Variants in EPHA6 observed in about 807,000 individuals in gnomAD.
EPHA6 encodes EPH receptor A6, also known as ephrin type-A receptor 6.
Under a neutral mutation model 112.0 loss-of-function variants are expected in EPHA6, and 50 were observed. The observed-to-expected ratio is 0.45, with a 90% CI of 0.36 to 0.56. EPHA6 has a LOEUF of 0.56. EPHA6 is among the 20% of genes least tolerant of loss of function. The pLI is 0.00. For synonymous variants in EPHA6, 529 were observed against 490.7 expected, an observed-to-expected ratio of 1.08 and a Z score of -1.03; for missense variants, 1,280 against 1,417.4, an observed-to-expected ratio of 0.90 and a Z score of 1.56.
At chr3:97,215,252 C>T (rs2077999450) in intron 3 of EPHA6, among the ~76,000 whole-genome samples, 1 of 152,134 alleles carries the variant, frequency 6.6e-6, no homozygotes, top group Non-Finnish European at 1.5e-5. Context: ...TATAGTCTAA[C>T]CACTCAATTT....
intron 1 of EPHA6, among the ~76,000 whole-genome samples, chr3:96,851,872 C>T (rs1216262531): frequency 2.0e-5 from 3 of 152,068 alleles, no homozygotes; most frequent in African/African-American, 7.2e-5. Context: ...CAAGATCTTG[C>T]AGGGACGCAG....
chr3:97,443,255 C>G (rs1000904798), intron 6 of EPHA6, among the ~76,000 whole-genome samples: 1 of 149,942 alleles, frequency 6.7e-6, no homozygotes, highest in South Asian at 2.1e-4. Context: ...CTAGTGGAAC[C>G]ATTAATATCC....
At chr3:96,977,008 G>C (rs1316211216) in intron 2 of EPHA6, among the ~76,000 whole-genome samples, 1 of 152,170 alleles carries the variant, frequency 6.6e-6, no homozygotes, top group Non-Finnish European at 1.5e-5. Flanking sequence ...CATATGTGAA[G>C]TCTGTCAGGG....
At chr3:97,014,850 T>C (rs1314579988) in intron 3 of EPHA6, among the ~76,000 whole-genome samples, 1 of 152,190 alleles carries the variant, frequency 6.6e-6, no homozygotes, top group Non-Finnish European at 1.5e-5. Context: ...TGCTGTCTGA[T>C]GGCCATGGAG....
At chr3:97,069,561 A>G (rs1047948722) in intron 3 of EPHA6, among the ~76,000 whole-genome samples, 1 of 152,152 alleles carries the variant, frequency 6.6e-6, no homozygotes, top group Non-Finnish European at 1.5e-5. Context: ...TAGAAATTTT[A>G]CAACCTTGCT....
chr3:97,068,943 G>T (rs1431192382), intron 3 of EPHA6, among the ~76,000 whole-genome samples: 3 of 152,068 alleles, frequency 2.0e-5, no homozygotes, highest in African/African-American at 7.2e-5. Flanking sequence ...TTGTTTATAA[G>T]CCACCCAGTA....
intron 7 of EPHA6, chr3:97,466,601 T>G (rs1411517711): frequency 1.6e-6 from 1 of 644,630 alleles, no homozygotes; most frequent in Non-Finnish European, 2.8e-6. Context: ...TTGTCTTCAG[T>G]ATTCTCATGT....
chr3:97,711,800 C>T (rs1365062293), intron 14 of EPHA6, among the ~76,000 whole-genome samples: 1 of 152,178 alleles, frequency 6.6e-6, no homozygotes, highest in Non-Finnish European at 1.5e-5. Flanking sequence ...CTCACAACCA[C>T]ACTAGAAATA....
chr3:97,570,523 A>G (rs888635922), intron 11 of EPHA6, among the ~76,000 whole-genome samples: 1 of 152,172 alleles, frequency 6.6e-6, no homozygotes, highest in African/African-American at 2.4e-5. Context: ...CGAGGTCGGG[A>G]GTTGAACACC....
intron 7 of EPHA6, among the ~76,000 whole-genome samples, chr3:97,468,475 CTT>C (rs1454081928): frequency 1.4e-5 from 2 of 144,296 alleles, no homozygotes; most frequent in Admixed American, 7.1e-5. Context: ...TATTTCTAAT[CTT>C]ATATATATTT....
intron 5 of EPHA6, among the ~76,000 whole-genome samples, chr3:97,371,313 G>A (rs2085040042): frequency 6.6e-6 from 1 of 152,074 alleles, no homozygotes; most frequent in Non-Finnish European, 1.5e-5. Context: ...CTGAACAGAG[G>A]GACTGGCTGA....
intron 13 of EPHA6, among the ~76,000 whole-genome samples, chr3:97,617,139 A>G (rs1436485032): frequency 1.3e-5 from 2 of 152,170 alleles, no homozygotes; most frequent in Non-Finnish European, 2.9e-5. Flanking sequence ...TTGTTAAAGG[A>G]AAGAGATTCC....
At chr3:97,331,054 C>G in intron 5 of EPHA6, among the ~76,000 whole-genome samples, 1 of 152,106 alleles carries the variant, frequency 6.6e-6, no homozygotes, top group East Asian at 1.9e-4. Context: ...GTCTCTCAGA[C>G]CACAGTGCAA....
At chr3:97,438,386 T>C (rs1346084523) in intron 6 of EPHA6, among the ~76,000 whole-genome samples, 1 of 152,232 alleles carries the variant, frequency 6.6e-6, no homozygotes, top group Non-Finnish European at 1.5e-5. Flanking sequence ...TATGCTATAC[T>C]GACATAATAT....
intron 11 of EPHA6, among the ~76,000 whole-genome samples, chr3:97,562,241 T>A (rs966364101): frequency 2.6e-5 from 4 of 152,174 alleles, no homozygotes; most frequent in Admixed American, 6.6e-5. Context: ...TAGGTAGTAA[T>A]TTCTCTGATG....
At chr3:97,322,076 G>T (rs2082146812) in intron 5 of EPHA6, among the ~76,000 whole-genome samples, 1 of 152,006 alleles carries the variant, frequency 6.6e-6, no homozygotes, top group Non-Finnish European at 1.5e-5. Context: ...AAGAAGAACA[G>T]ACTTTCTCAA....
intron 6 of EPHA6, among the ~76,000 whole-genome samples, chr3:97,415,330 T>G (rs1463714050): frequency 5.3e-5 from 8 of 152,074 alleles, no homozygotes. Flanking sequence ...CTTATAATCA[T>G]GCAATATTAA....
chr3:97,272,544 G>T (rs141613981), intron 5 of EPHA6, among the ~76,000 whole-genome samples: 5,448 of 152,136 alleles, frequency 0.036, 337 homozygotes, highest in African/African-American at 0.12. Flanking sequence ...GTGCAGGCGG[G>T]CTGAGTCCAA....
chr3:97,595,150 G>T (rs1053766058), intron 12 of EPHA6, among the ~76,000 whole-genome samples: 1 of 152,150 alleles, frequency 6.6e-6, no homozygotes, highest in East Asian at 1.9e-4. Flanking sequence ...GACCTAGAAA[G>T]CAGACAAGCC....
Sources: allele counts gnomAD v4.1 joint callset (sites outside exome capture counted in the v4.1 genomes callset), GRCh38; gene constraint gnomAD v4.1.1; transcripts MANE v1.5; gene names NCBI Gene and HGNC (gene_info 2026-07-23, HGNC 2026-07-21).